COL19A1: variants seen among roughly 807,000 people sequenced by gnomAD.
COL19A1 encodes collagen alpha-1(XIX) chain.
Under a neutral mutation model 190.2 loss-of-function variants are expected in COL19A1, and 159 were observed. The ratio of observed to expected loss-of-function variants is 0.84; its 90% CI spans 0.73 to 0.95. The LOEUF (loss-of-function observed/expected upper bound fraction) is 0.95. Ranked by LOEUF, COL19A1 falls within the 40% of genes least tolerant of loss-of-function variation. COL19A1 has a pLI of 0.00. For synonymous variants in COL19A1, 509 were observed against 458.9 expected (o/e 1.11, Z -1.39); for missense variants, 1,418 against 1,431.9 (o/e 0.99, Z 0.16).
At chr6:70,042,952 G>C (rs1252846081) in intron 14 of COL19A1, among the ~76,000 whole-genome samples, 1 of 152,076 alleles carries the variant, frequency 6.6e-6, no homozygotes, top group Admixed American at 6.5e-5. Flanking sequence ...TAGTTCTCTT[G>C]CTATTTCTAC....
At chr6:70,113,564 TC>T (rs1287681564) in intron 16 of COL19A1, among the ~76,000 whole-genome samples, 1 of 152,226 alleles carries the variant, frequency 6.6e-6, no homozygotes. Flanking sequence ...ATTTATTTTT[TC>T]TTTTCTTCCA....
chr6:70,169,972 C>G (rs1254817247), intron 40 of COL19A1, among the ~76,000 whole-genome samples: 1 of 151,998 alleles, frequency 6.6e-6, no homozygotes, highest in Non-Finnish European at 1.5e-5. Flanking sequence ...AATTTACTGG[C>G]ATTGAAAAGG....
At chr6:69,987,958 G>A (rs1776399618) in intron 11 of COL19A1, among the ~76,000 whole-genome samples, 2 of 152,162 alleles carry the variant, frequency 1.3e-5, no homozygotes, top group Admixed American at 6.6e-5. Flanking sequence ...ACTGAGTACA[G>A]CATGTAAGAA....
chr6:69,902,720 C>T (rs570088352), intron 4 of COL19A1, among the ~76,000 whole-genome samples: 15 of 152,242 alleles, frequency 9.9e-5, no homozygotes, highest in South Asian at 2.1e-4. Flanking sequence ...CATATATGTT[C>T]CCTGGAGGAG....
chr6:69,946,050 T>C (rs1773774670), intron 9 of COL19A1, among the ~76,000 whole-genome samples: 1 of 151,864 alleles, frequency 6.6e-6, no homozygotes, highest in South Asian at 2.1e-4. Context: ...TTGGGGTTTT[T>C]CCTGGAGGAT....
chr6:70,067,980 A>C (rs1435635611), intron 14 of COL19A1, among the ~76,000 whole-genome samples: 1 of 152,134 alleles, frequency 6.6e-6, no homozygotes, highest in Admixed American at 6.6e-5. Context: ...ATGAGTAGGC[A>C]TGTTTGAAGC....
At chr6:70,177,173 T>A (rs1448979994) in intron 42 of COL19A1, among the ~76,000 whole-genome samples, 1 of 152,186 alleles carries the variant, frequency 6.6e-6, no homozygotes, top group Admixed American at 6.5e-5. Context: ...ATCATTCTGA[T>A]CTTCATTCAT....
At chr6:70,153,258 T>G (rs769879815) in intron 31 of COL19A1, among the ~76,000 whole-genome samples, 30 of 152,146 alleles carry the variant, frequency 2.0e-4, no homozygotes, top group Non-Finnish European at 3.8e-4. Context: ...TCTCTCTGCC[T>G]TGAGTCTTTA....
intron 16 of COL19A1, among the ~76,000 whole-genome samples, chr6:70,112,635 A>G (rs185736721): frequency 4.1e-4 from 62 of 152,272 alleles, no homozygotes; most frequent in Non-Finnish European, 3.1e-4. Flanking sequence ...GCCTTAGAAA[A>G]CAAAGTGTTA....
chr6:69,978,329 A>G (rs539775333), intron 11 of COL19A1, among the ~76,000 whole-genome samples: 71 of 152,302 alleles, frequency 4.7e-4, no homozygotes, highest in African/African-American at 1.5e-3. Context: ...TATCCAATAG[A>G]TAATTTTTTA....
At chr6:70,048,334 G>A (rs949037233) in intron 14 of COL19A1, among the ~76,000 whole-genome samples, 2 of 152,008 alleles carry the variant, frequency 1.3e-5, no homozygotes, top group Non-Finnish European at 2.9e-5. Flanking sequence ...TTCTAAGTTG[G>A]TATGTACAAG....
chr6:70,008,187 G>T (rs1331318021), intron 11 of COL19A1, among the ~76,000 whole-genome samples: 2 of 151,248 alleles, frequency 1.3e-5, no homozygotes, highest in South Asian at 2.1e-4. Flanking sequence ...AATCAGAGTG[G>T]AAATAAAATA....
At chr6:70,107,111 G>T (rs954400130) in intron 16 of COL19A1, among the ~76,000 whole-genome samples, 2 of 152,150 alleles carry the variant, frequency 1.3e-5, no homozygotes, top group Non-Finnish European at 2.9e-5. Flanking sequence ...ACTTACCCAA[G>T]ATGACACAAG....
intron 15 of COL19A1, among the ~76,000 whole-genome samples, chr6:70,097,037 TTCA>T (rs1783319358): frequency 6.6e-6 from 1 of 152,140 alleles, no homozygotes; most frequent in Non-Finnish European, 1.5e-5. Flanking sequence ...CTGCTCTAAC[TTCA>T]TCATCATCAT....
rs561869250 is a variant in COL19A1, at chr6:70,190,483, A to T, written c.3094+102A>T. 149 of 766,958 alleles carry T rather than the reference A, an allele frequency of 1.9e-4. 1 individual carries two copies. The highest frequency in any genetic ancestry group is 3.0e-4 in the Non-Finnish European group (136 of 459,588). The allele number at this position is 766,958 out of a possible 1,614,324, so 47.5% of individuals were successfully genotyped here. A position where few individuals can be genotyped will look rare whatever the true frequency, so the allele number is the denominator to read the frequency against. On this transcript the variant is annotated intron_variant, in intron 48 of 50. Transcript: ENST00000620364. The stretch of plus-strand genomic sequence containing the variant: ...AACATTCTCGAAAGATGGCCATGCC[A>T]CAAAAACCTTAAGGGGCAGCCCATT...
intron 49 of COL19A1, among the ~76,000 whole-genome samples, chr6:70,200,624 C>T (rs1343629661): frequency 6.6e-6 from 1 of 152,156 alleles, no homozygotes; most frequent in Non-Finnish European, 1.5e-5. Context: ...AATAAGAATG[C>T]AGTCCAAAAT....
intron 31 of COL19A1, among the ~76,000 whole-genome samples, chr6:70,152,849 G>A (rs1454324682): frequency 1.3e-5 from 2 of 152,138 alleles, no homozygotes; most frequent in African/African-American, 2.4e-5. Flanking sequence ...CTTTAAGGAT[G>A]AGAAACTTGT....
At chr6:69,970,898 T>C (rs192570499) in intron 11 of COL19A1, among the ~76,000 whole-genome samples, 74 of 152,316 alleles carry the variant, frequency 4.9e-4, no homozygotes, top group African/African-American at 1.8e-3. Context: ...TGGCCAATGA[T>C]AATTGGTATG....
intron 11 of COL19A1, among the ~76,000 whole-genome samples, chr6:69,966,414 G>A (rs1775107634): frequency 6.6e-6 from 1 of 152,194 alleles, no homozygotes; most frequent in Admixed American, 6.5e-5. Context: ...ACTCCATTTT[G>A]TTCTGTACTA....
Sources: allele counts gnomAD v4.1 joint callset (sites outside exome capture counted in the v4.1 genomes callset), GRCh38; gene constraint gnomAD v4.1.1; transcripts MANE v1.5; gene names NCBI Gene and HGNC (gene_info 2026-07-23, HGNC 2026-07-21).